The following PI4K2A variants were observed in gnomAD, a reference collection of about 807,000 sequenced individuals.
The protein encoded by PI4K2A is phosphatidylinositol 4-kinase type 2-alpha.
In PI4K2A, 20 loss-of-function variants were observed where a neutral mutation model predicts 55.0. The observed-to-expected ratio is 0.36, with a 90% CI of 0.26 to 0.53. The LOEUF (loss-of-function observed/expected upper bound fraction) is 0.53, where lower values mean the gene tolerates loss of function less well. Ranked by LOEUF, PI4K2A falls within the 20% of genes least tolerant of loss-of-function variation. The pLI, the probability that PI4K2A is intolerant of heterozygous loss-of-function variation, is 0.91. For synonymous variants in PI4K2A, 235 were observed against 258.5 expected, an observed-to-expected ratio of 0.91 and a Z score of 0.87; for missense variants, 463 against 637.1, an observed-to-expected ratio of 0.73 and a Z score of 2.94.
At chr10:97,641,289 C>T (rs1419283865) in intron 1 of PI4K2A, 112 bp downstream of exon 1, 1 of 766,398 alleles carries the variant, frequency 1.3e-6, no homozygotes, top group Non-Finnish European at 2.1e-6. Context: ...CAGTACCAGC[C>T]CCTGGCAGGA....
chr10:97,674,023 C>T (rs569089016), exon 9 of PI4K2A: 4 of 389,492 alleles, frequency 1.0e-5, no homozygotes, highest in African/African-American at 2.0e-5. Context: ...TGGTAGCAGG[C>T]TGGGACAGTC....
chr10:97,663,706 G>T (rs931544890), intron 5 of PI4K2A, among the ~76,000 whole-genome samples: 1 of 151,184 alleles, frequency 6.6e-6, no homozygotes, highest in Non-Finnish European at 1.5e-5. Flanking sequence ...TGTATTCCTA[G>T]CTACTCGGGA....
At chr10:97,665,657 A>G (rs1182489841) in intron 6 of PI4K2A, among the ~76,000 whole-genome samples, 1 of 150,124 alleles carries the variant, frequency 6.7e-6, no homozygotes, top group Admixed American at 6.6e-5. Flanking sequence ...CAGTGGCGCG[A>G]TCTCGGCTCA....
chr10:97,645,524 C>T (rs935347529), intron 1 of PI4K2A, among the ~76,000 whole-genome samples: 3 of 147,994 alleles, frequency 2.0e-5, no homozygotes, highest in East Asian at 2.1e-4. Flanking sequence ...AGGAGAATGG[C>T]GTGAACCCGG....
At position 97,642,836 on chromosome 10, in the gene PI4K2A, TTCCTTCCTTCCTTC is replaced by T. The variant is rs1564772216; in HGVS notation, c.435+1660_435+1673del. Among the ~76,000 whole-genome samples, 7 of 3,602 alleles carry T rather than the reference TTCCTTCCTTCCTTC, an allele frequency of 1.9e-3. 1 individual carries two copies. In the South Asian group the frequency reaches 0.021, roughly 11 times the overall value. 2.4% of individuals were successfully genotyped at this position (3,602 alleles called of 152,430 possible). The stretch of plus-strand genomic sequence containing the variant: ...CTTCCTTCCTTCCTTCCTTCCTTCC[TTCCTTCCTTCCTTC>T]CTTTCTTTCTTTCTTTTTCTTTCTT... On this transcript the variant is annotated intron_variant, in intron 1 of 8. Coordinates refer to ENST00000370631, the Ensembl canonical transcript of PI4K2A.
At chr10:97,649,086 T>G (rs986055544) in intron 1 of PI4K2A, among the ~76,000 whole-genome samples, 2 of 152,204 alleles carry the variant, frequency 1.3e-5, no homozygotes, top group African/African-American at 4.8e-5. Context: ...ACTGAGTTGG[T>G]AAAAGCAGAT....
intron 8 of PI4K2A, 52 bp from the exon 9 acceptor site, chr10:97,673,529 G>T (rs1239029545): frequency 4.0e-6 from 6 of 1,518,822 alleles, no homozygotes; most frequent in Non-Finnish European, 5.5e-6. Context: ...TTCAGAGGCA[G>T]ATCTGGAATG....
intron 4 of PI4K2A, among the ~76,000 whole-genome samples, chr10:97,661,794 CTG>C (rs2041585524): frequency 6.6e-6 from 1 of 150,456 alleles, no homozygotes; most frequent in Non-Finnish European, 1.5e-5. Context: ...CCCCAATTCT[CTG>C]TGTTTCCTGT....
chr10:97,672,698 T>C (rs2041641729), intron 8 of PI4K2A, among the ~76,000 whole-genome samples: 1 of 149,724 alleles, frequency 6.7e-6, no homozygotes, highest in African/African-American at 2.5e-5. Context: ...TTCTTAAAAA[T>C]GGAATTGCCG....
chr10:97,673,590 C>G (rs775930737), exon 9 of PI4K2A: 1 of 1,614,076 alleles, frequency 6.2e-7, no homozygotes, highest in Admixed American at 1.7e-5. Flanking sequence ...GATCTTAAAT[C>G]TGACCCAGGC....
intron 2 of PI4K2A, among the ~76,000 whole-genome samples, chr10:97,653,797 A>G (rs2041540071): frequency 6.6e-6 from 1 of 152,162 alleles, no homozygotes; most frequent in African/African-American, 2.4e-5. Flanking sequence ...CGTGCCTGTA[A>G]TCCCAGCTAC....
intron 2 of PI4K2A, among the ~76,000 whole-genome samples, chr10:97,652,809 T>C (rs1413110317): frequency 6.6e-6 from 1 of 152,232 alleles, no homozygotes; most frequent in African/African-American, 2.4e-5. Context: ...TCCTCTCTCA[T>C]TCTCAGCACC....
intron 1 of PI4K2A, among the ~76,000 whole-genome samples, chr10:97,646,367 C>A (rs182091838): frequency 6.6e-6 from 1 of 151,900 alleles, no homozygotes; most frequent in Non-Finnish European, 1.5e-5. Context: ...GGTGCGCCCA[C>A]CACCATGCCC....
intron 8 of PI4K2A, among the ~76,000 whole-genome samples, chr10:97,671,028 T>C (rs2041632448): frequency 6.6e-6 from 1 of 151,798 alleles, no homozygotes; most frequent in African/African-American, 2.4e-5. Context: ...TCCCAGCTAC[T>C]CGGGAGGCTG....
intron 2 of PI4K2A, among the ~76,000 whole-genome samples, chr10:97,655,369 C>CAA (rs61219001): frequency 1.0e-3 from 69 of 67,456 alleles, no homozygotes; most frequent in African/African-American, 1.7e-3. Flanking sequence ...GACTCTGTCT[C>CAA]AAAAAAAAAA....
chr10:97,648,516 TC>T (rs1291440127), intron 1 of PI4K2A, among the ~76,000 whole-genome samples: 1 of 152,242 alleles, frequency 6.6e-6, no homozygotes, highest in African/African-American at 2.4e-5. Flanking sequence ...CCCAACTTTT[TC>T]TGTCTTTAAG....
At chr10:97,649,512 T>G (rs372404458) in intron 1 of PI4K2A, among the ~76,000 whole-genome samples, 3 of 152,186 alleles carry the variant, frequency 2.0e-5, no homozygotes, top group East Asian at 3.9e-4. Flanking sequence ...AGCAGAGTCT[T>G]TTTCCTGCTG....
intron 2 of PI4K2A, among the ~76,000 whole-genome samples, chr10:97,653,916 C>CAA (rs112944042): frequency 4.7e-4 from 70 of 147,576 alleles, no homozygotes; most frequent in Middle Eastern, 3.5e-3. Context: ...GACTCCGTCT[C>CAA]AAAAAAAAAA....
chr10:97,672,725 CTTTTTTT>C (rs146627600), intron 8 of PI4K2A, among the ~76,000 whole-genome samples: 2 of 83,978 alleles, frequency 2.4e-5, no homozygotes, highest in Non-Finnish European at 4.4e-5. Context: ...AGGGTCTGTT[CTTTTTTT>C]TTTTTTTTTT....
Sources: gnomAD v4.1 joint callset for allele counts (sites outside exome capture counted in the v4.1 genomes callset) on GRCh38, gnomAD v4.1.1 for gene constraint, MANE v1.5 for transcripts, NCBI Gene and HGNC (gene_info 2026-07-23, HGNC 2026-07-21) for gene names.